The following SLC44A5 variants were observed in gnomAD, a reference collection of about 807,000 sequenced individuals.
SLC44A5 encodes the protein solute carrier family 44 member 5, also known as choline transporter-like protein 5.
Under a neutral mutation model 101.8 loss-of-function variants are expected in SLC44A5, and 57 were observed. The ratio of observed to expected loss-of-function variants is 0.56; its 90% CI spans 0.45 to 0.70. SLC44A5 has a LOEUF of 0.70. Ranked by LOEUF, SLC44A5 falls within the 30% of genes least tolerant of loss-of-function variation. The probability of loss-of-function intolerance (pLI) is 0.00; values close to 1 mark genes in which losing one functional copy is unlikely to be tolerated. For missense variants in SLC44A5, 737 were observed against 853.1 expected, an observed-to-expected ratio of 0.86 and a Z score of 1.70; for synonymous variants, 281 against 290.9, an observed-to-expected ratio of 0.97 and a Z score of 0.35.
the SLC44A5 span, among the ~76,000 whole-genome samples, chr1:75,704,229 G>C: frequency 1.3e-5 from 2 of 152,108 alleles, no homozygotes; most frequent in African/African-American, 4.8e-5. Flanking sequence ...ATAAAAATCA[G>C]GATATTAATA....
At chr1:75,233,430 T>C (rs1159774660) in intron 12 of SLC44A5, among the ~76,000 whole-genome samples, 1 of 151,896 alleles carries the variant, frequency 6.6e-6, no homozygotes, top group East Asian at 1.9e-4. Flanking sequence ...CTCCCACACA[T>C]TATTTAGCTC....
At chr1:75,369,085 C>T (rs1660054144) in intron 3 of SLC44A5, among the ~76,000 whole-genome samples, 1 of 151,938 alleles carries the variant, frequency 6.6e-6, no homozygotes, top group Non-Finnish European at 1.5e-5. Context: ...TAATCCATAA[C>T]TCACTGCAGC....
chr1:75,704,317 C>G, the SLC44A5 span, among the ~76,000 whole-genome samples: 1 of 151,992 alleles, frequency 6.6e-6, no homozygotes, highest in African/African-American at 2.4e-5. Flanking sequence ...TATAAGCTCT[C>G]TTTAACAACA....
chr1:75,220,266 C>A (rs1208756510), intron 14 of SLC44A5, among the ~76,000 whole-genome samples: 1 of 152,020 alleles, frequency 6.6e-6, no homozygotes, highest in Non-Finnish European at 1.5e-5. Flanking sequence ...ATTCAAGAAT[C>A]CCCTATACTT....
the SLC44A5 span, among the ~76,000 whole-genome samples, chr1:75,687,191 A>G: frequency 6.6e-6 from 1 of 152,146 alleles, no homozygotes; most frequent in Non-Finnish European, 1.5e-5. Context: ...ACCTCATTAC[A>G]CACTCATTAA....
At chr1:75,509,840 T>G (rs904417418) in intron 2 of SLC44A5, among the ~76,000 whole-genome samples, 1 of 152,194 alleles carries the variant, frequency 6.6e-6, no homozygotes, top group Non-Finnish European at 1.5e-5. Context: ...TAAAGATTCA[T>G]ATGGATTTCT....
At position 75,445,496 on chromosome 1, in the gene SLC44A5, T is replaced by C. The variant is rs75152123; in HGVS notation, c.14-48875A>G. 6.8e-4 allele frequency among the ~76,000 whole-genome samples: 102 copies of C among 149,390 alleles called. 2 individuals are homozygous for C. In the East Asian group the frequency reaches 0.016, roughly 24 times the overall value. ...CAATCCTTACTATATAAAATATATA[T>C]AATATTATACACACAATATAATATA... On this transcript the variant is annotated intron_variant, in intron 2 of 23. Transcript: ENST00000370859.
At chr1:75,560,578 G>A (rs957545628) in intron 1 of SLC44A5, among the ~76,000 whole-genome samples, 5 of 152,118 alleles carry the variant, frequency 3.3e-5, no homozygotes, top group African/African-American at 1.2e-4. Flanking sequence ...ATAGTTGACT[G>A]GTATAGCATG....
the SLC44A5 span, among the ~76,000 whole-genome samples, chr1:75,616,367 G>T: frequency 9.8e-5 from 15 of 152,346 alleles, no homozygotes; most frequent in Non-Finnish European, 2.1e-4. Context: ...CTGCTGGGGG[G>T]CGCGGAGAGA....
chr1:75,551,285 G>A (rs1364765775), intron 1 of SLC44A5, among the ~76,000 whole-genome samples: 1 of 152,108 alleles, frequency 6.6e-6, no homozygotes, highest in Non-Finnish European at 1.5e-5. Flanking sequence ...GGAGGGACCT[G>A]TCTGGTTGAA....
chr1:75,554,829 G>A (rs1015649407), intron 1 of SLC44A5, among the ~76,000 whole-genome samples: 1 of 151,940 alleles, frequency 6.6e-6, no homozygotes, highest in Non-Finnish European at 1.5e-5. Context: ...AAAAAAATAA[G>A]ATACTGCCTT....
At chr1:75,453,017 G>T (rs1382740716) in intron 2 of SLC44A5, among the ~76,000 whole-genome samples, 1 of 151,984 alleles carries the variant, frequency 6.6e-6, no homozygotes, top group Non-Finnish European at 1.5e-5. Context: ...TAGACTAAAA[G>T]TTCAACACTT....
intron 9 of SLC44A5, among the ~76,000 whole-genome samples, chr1:75,240,763 C>G (rs1426536172): frequency 6.6e-6 from 1 of 151,836 alleles, no homozygotes; most frequent in African/African-American, 2.4e-5. Context: ...TGCCTTTCCT[C>G]CTTTTTAAGA....
intron 23 of SLC44A5, among the ~76,000 whole-genome samples, chr1:75,209,004 A>G (rs1032742912): frequency 6.6e-6 from 1 of 151,980 alleles, no homozygotes; most frequent in Non-Finnish European, 1.5e-5. Context: ...TAAGAAGAAT[A>G]TTTTACAAAG....
chr1:75,369,359 T>C (rs966566738), intron 3 of SLC44A5, among the ~76,000 whole-genome samples: 3 of 152,172 alleles, frequency 2.0e-5, no homozygotes, highest in African/African-American at 7.2e-5. Context: ...ATAAATAATC[T>C]ACTCCATATA....
upstream of SLC44A5, among the ~76,000 whole-genome samples, chr1:75,614,771 G>A (rs763660332): frequency 6.6e-6 from 1 of 152,106 alleles, no homozygotes; most frequent in African/African-American, 2.4e-5. Flanking sequence ...ATCCAACTTC[G>A]AACGACGCCC....
intron 2 of SLC44A5, among the ~76,000 whole-genome samples, chr1:75,480,984 C>T (rs911672752): frequency 6.6e-6 from 1 of 152,140 alleles, no homozygotes; most frequent in Non-Finnish European, 1.5e-5. Flanking sequence ...GGAGGCATCA[C>T]ACTACCTGAC....
chr1:75,254,152 C>T (rs1649816435), intron 6 of SLC44A5, among the ~76,000 whole-genome samples: 1 of 152,008 alleles, frequency 6.6e-6, no homozygotes, highest in African/African-American at 2.4e-5. Flanking sequence ...AATTCTCCTG[C>T]CTCGGCCTTC....
At chr1:75,342,654 C>A (rs1163911992) in intron 3 of SLC44A5, among the ~76,000 whole-genome samples, 1 of 152,032 alleles carries the variant, frequency 6.6e-6, no homozygotes, top group Admixed American at 6.6e-5. Context: ...TTAACAACTT[C>A]TATTGATTTT....
Sources: gnomAD v4.1 joint callset for allele counts (sites outside exome capture counted in the v4.1 genomes callset) on GRCh38, gnomAD v4.1.1 for gene constraint, MANE v1.5 for transcripts, NCBI Gene and HGNC (gene_info 2026-07-23, HGNC 2026-07-21) for gene names.